Variants in ARAP3 observed in about 807,000 individuals in gnomAD.
ARAP3 encodes the protein arf-GAP with Rho-GAP domain, ANK repeat and PH domain-containing protein 3.
ARAP3 carries 82 observed loss-of-function variants against 169.2 expected under a neutral mutation model. The ratio of observed to expected loss-of-function variants is 0.48; its 90% CI spans 0.41 to 0.58. ARAP3 has a LOEUF of 0.58. ARAP3 is among the 20% of genes least tolerant of loss of function. ARAP3 has a pLI of 0.00. For missense variants in ARAP3, 1,764 were observed against 2,018.0 expected (o/e 0.87, Z 2.41); for synonymous variants, 791 against 800.3 (o/e 0.99, Z 0.20).
Position 141,672,538 on chromosome 5 carries a change from G to A in ARAP3, c.1385+14C>T. 1 of 1,613,620 alleles carries A rather than the reference G, an allele frequency of 6.2e-7. No individual in the cohort carries two copies. Among genetic ancestry groups the A allele is most frequent in the Non-Finnish European group, 8.5e-7 (1 of 1,179,736 alleles). ...AAGTCCCCCAGCCTTGCCTCCCACT[G>A]GCCCAGGCCCCACCTGAAGCAGCGA... On this transcript the variant is annotated intron_variant, in intron 9 of 32. Coordinates refer to ENST00000239440, the MANE Select transcript of ARAP3 (RefSeq NM_022481.6). The surrounding 1 kb of genome is among the most constrained non-coding windows in gnomAD (Gnocchi z 4.9).
Position 141,673,665 on chromosome 5 carries a change from A to C in ARAP3, c.842T>G (p.Phe281Cys). 1 of 1,614,194 alleles carries C rather than the reference A, an allele frequency of 6.2e-7. No individual in the cohort carries two copies. Among genetic ancestry groups the C allele is most frequent in the Non-Finnish European group, 8.5e-7 (1 of 1,180,034 alleles). Residue 281 changes from phenylalanine to cysteine, a missense_variant, in exon 5 of 33, where the codon TTC becomes TGC. By Grantham distance (205) the Phe-to-Cys change is radical. Coordinates refer to ENST00000239440, the MANE Select transcript of ARAP3 (RefSeq NM_022481.6). ...CAGGGGCGTGAGGCGGTCTGCCGTG[A>C]AGGAGAAGCTGGCATAGGGTGAAAT... ...DLISPYASFS[F>C]TADRLTPLLS...
In ARAP3 at chr5:141,665,466, C is replaced by G. The variant is rs1271359268; in HGVS notation, c.2573-92G>C. On this transcript the variant is annotated intron_variant, in intron 17 of 32. Coordinates refer to ENST00000239440, the MANE Select transcript of ARAP3 (RefSeq NM_022481.6). ...ATGCTTAACGTGCATAGATGCCAGGCTAGGAGCATTACAAAAAACGTTCAG... is the reference window on the plus strand; with the variant it reads ...ATGCTTAACGTGCATAGATGCCAGGGTAGGAGCATTACAAAAAACGTTCAG... 11 of 1,358,814 alleles carry G rather than the reference C, an allele frequency of 8.1e-6. No homozygotes were observed. In the South Asian group the frequency reaches 1.2e-4, roughly 15 times the overall value. The allele number at this position is 1,358,814 out of a possible 1,614,324, so 84.2% of individuals were successfully genotyped here.
chr5:141,655,310 C>T lies in ARAP3; in HGVS notation c.4149+52G>A, dbSNP rs1489104928. The T allele has an allele frequency of 3.2e-6, 5 of 1,555,068 alleles. No homozygotes were observed. The Admixed American group carries it at 5.8e-5, about 18-fold the overall frequency. On this transcript the variant is annotated intron_variant, in intron 32 of 32. Coordinates refer to ENST00000239440, the MANE Select transcript of ARAP3 (RefSeq NM_022481.6). ...CAGCACACCCGGGGCTCAGGCAGCACAGAGGAATACAGGGTTGACAGGCAC... is the reference window on the plus strand; with the variant it reads ...CAGCACACCCGGGGCTCAGGCAGCATAGAGGAATACAGGGTTGACAGGCAC...
Position 141,656,194 on chromosome 5 carries a change from G to T in ARAP3, c.3872C>A (p.Pro1291Gln). 6.2e-7 allele frequency: 1 copy of T among 1,614,140 alleles called. No homozygotes were observed. The highest frequency in any genetic ancestry group is 1.1e-5 in the South Asian group (1 of 91,084). ...GTGCGGGCTGGGGAAGAAAACTCACGGTGTTGGGGGCTTTAACTTCTTGCG... is the reference window on the plus strand; with the variant it reads ...GTGCGGGCTGGGGAAGAAAACTCACTGTGTTGGGGGCTTTAACTTCTTGCG... ...GIRKKLKPPT[P>Q]WGFTLILEKM... Residue 1291 changes from proline (P) to glutamine (Q), a missense_variant and splice_region_variant, in exon 28 of 33, where the codon CCG becomes CAG. Physicochemically the swap from Pro to Gln is moderately conservative, Grantham distance 76. Coordinates refer to ENST00000239440, the MANE Select transcript of ARAP3 (RefSeq NM_022481.6).
At chr5:141,664,192 C>G (rs1267072322) in intron 19 of ARAP3, among the ~76,000 whole-genome samples, 2 of 152,070 alleles carry the variant, frequency 1.3e-5, no homozygotes, top group Non-Finnish European at 2.9e-5. Flanking sequence ...TGAGACCAGC[C>G]TGGCCAACAT....
In ARAP3 at chr5:141,655,158, A is replaced by T. The variant is rs13356530; in HGVS notation, c.4149+204T>A. Among the ~76,000 whole-genome samples the T allele has an allele frequency of 2.1e-3, 278 of 135,080 alleles. 2 individuals are homozygous for T. Among genetic ancestry groups the T allele is most frequent in the African/African-American group, 5.7e-3 (204 of 35,504 alleles). 88.6% of individuals were successfully genotyped at this position (135,080 alleles called of 152,430 possible). A position where few individuals can be genotyped will look rare whatever the true frequency, so the allele number is the denominator to read the frequency against. On this transcript the variant is annotated intron_variant, in intron 32 of 32. Coordinates refer to ENST00000239440, the MANE Select transcript of ARAP3 (RefSeq NM_022481.6). ...TCCTCGCTCTCCCTCTCTCTCTCTC[A>T]CACACACACACACCCTGATGGCCTA... is the stretch of plus-strand genomic sequence containing the variant.
Position 141,671,813 on chromosome 5 carries a change from T to C in ARAP3, c.1672-61A>G. 1 of 1,609,078 alleles carries C rather than the reference T, an allele frequency of 6.2e-7. No individual in the cohort carries two copies. Among genetic ancestry groups the C allele is most frequent in the Non-Finnish European group, 8.5e-7 (1 of 1,176,656 alleles). Reference sequence around the variant, plus strand: ...AACTCAAGAGTCCTCAGATGTTCCATTCCTGTCCCCAGGCTGGCCCAAGGC... The same window carrying C: ...AACTCAAGAGTCCTCAGATGTTCCACTCCTGTCCCCAGGCTGGCCCAAGGC... On this transcript the variant is annotated intron_variant, in intron 11 of 32. Transcript: ENST00000239440. The surrounding 1 kb of genome is among the most constrained non-coding windows in gnomAD (Gnocchi z 4.9).
At chr5:141,678,098 C>A (rs2099912444) in intron 4 of ARAP3, among the ~76,000 whole-genome samples, 1 of 152,138 alleles carries the variant, frequency 6.6e-6, no homozygotes, top group Non-Finnish European at 1.5e-5. Flanking sequence ...AGGCGCCCAC[C>A]ACCACGCCCG....
intron 4 of ARAP3, among the ~76,000 whole-genome samples, chr5:141,676,846 G>A (rs1473204534): frequency 6.6e-6 from 1 of 152,112 alleles, no homozygotes; most frequent in Non-Finnish European, 1.5e-5. Context: ...TAGGTCTCCA[G>A]CTCCGACCTC....
At chr5:141,680,537 G>A in intron 1 of ARAP3, 34 bp from the exon 2 acceptor site, 1 of 1,532,524 alleles carries the variant, frequency 6.5e-7, no homozygotes, top group Non-Finnish European at 8.7e-7. Flanking sequence ...GGAGGGCTCA[G>A]GCTGAGAATC....
rs1380696246 is a variant in ARAP3, at chr5:141,656,575, G to A, written c.3718C>T (p.Leu1240=). The A allele has an allele frequency of 6.2e-7, 1 of 1,612,894 alleles. No individual in the cohort carries two copies. The highest frequency in any genetic ancestry group is 1.1e-5 in the South Asian group (1 of 90,830). ...AACCTCTCCTGGAAGCGGCTTCCCAGCAAGCGAGGTGGCTCCTCACGACAC... is the reference window on the plus strand; with the variant it reads ...AACCTCTCCTGGAAGCGGCTTCCCAACAAGCGAGGTGGCTCCTCACGACAC... The part of the protein sequence containing the change: ...LRCREEPPRL[L]GSRFQERFFL... Residue 1240 remains leucine (L), a synonymous_variant, in exon 27 of 33, where the codon CTG becomes TTG. Coordinates refer to ENST00000239440, the MANE Select transcript of ARAP3 (RefSeq NM_022481.6).
At chr5:141,681,150 G>C (rs1175286036) in intron 1 of ARAP3, among the ~76,000 whole-genome samples, 1 of 152,154 alleles carries the variant, frequency 6.6e-6, no homozygotes, top group Non-Finnish European at 1.5e-5. Context: ...AGGCTGCCGG[G>C]AGAGCCCTAA....
In ARAP3 at chr5:141,671,624, C is replaced by T; in HGVS notation, c.1800G>A (p.Leu600=). 1 of 1,614,086 alleles carries T rather than the reference C, an allele frequency of 6.2e-7. No homozygotes were observed. Among genetic ancestry groups the T allele is most frequent in the Non-Finnish European group, 8.5e-7 (1 of 1,179,986 alleles). The part of the protein sequence containing the change: ...RGEFISRKYR[L]GLFRKPHPQY... ...GAGGGTGGGGCTTCCGGAAGAGACC[C>T]AGACGGTACTTTCGGGAGATGAACT... is the stretch of plus-strand genomic sequence containing the variant. The change falls in exon 12 of 33, where the codon CTG becomes CTA. Residue 600 remains leucine (L), a synonymous_variant. Coordinates refer to ENST00000239440, the MANE Select transcript of ARAP3 (RefSeq NM_022481.6). This position sits in a 1 kb window ranked among gnomAD's most constrained non-coding sequence, Gnocchi z 4.9.
At position 141,672,641 on chromosome 5, in the gene ARAP3, G is replaced by C; in HGVS notation, c.1296C>G (p.Ile432Met). 6.2e-7 allele frequency: 1 copy of C among 1,613,808 alleles called. No homozygotes were observed. The highest frequency in any genetic ancestry group is 8.5e-7 in the Non-Finnish European group (1 of 1,179,834). ...YKSEQAFSLG[I>M]GICFIELQGC... ...CCTGCAGTTCGATGAAGCAGATCCC[G>C]ATGCCCAGAGAGAAGGCCTGGTGGG... Residue 432 changes from isoleucine to methionine, a missense_variant, in exon 9 of 33, where the codon ATC becomes ATG. This residue lies in a region of ARAP3 where 630 missense variants were observed against 678.7 expected (regional missense o/e 0.93). Coordinates refer to ENST00000239440, the MANE Select transcript of ARAP3 (RefSeq NM_022481.6). The surrounding 1 kb of genome is among the most constrained non-coding windows in gnomAD (Gnocchi z 4.9).
At chr5:141,658,795 A>C in intron 23 of ARAP3, 142 bp from the exon 24 acceptor site, 1 of 708,006 alleles carries the variant, frequency 1.4e-6, no homozygotes, top group Non-Finnish European at 2.3e-6. Flanking sequence ...GGCTCTTAAA[A>C]GGGAGACCTC....
chr5:141,666,689 G>C (rs553622706), intron 16 of ARAP3, 46 bp from the exon 17 acceptor site: 2 of 1,063,048 alleles, frequency 1.9e-6, no homozygotes, highest in Admixed American at 7.5e-5. Context: ...TGGGGGAAGA[G>C]ACAAGGAATA....
At chr5:141,682,006 C>A (rs1417024230) in intron 1 of ARAP3, among the ~76,000 whole-genome samples, 167 bp downstream of exon 1, 1 of 100,704 alleles carries the variant, frequency 9.9e-6, no homozygotes, top group Non-Finnish European at 2.2e-5. Flanking sequence ...AGGGAGGGGG[C>A]GAGGAGGGAT....
intron 4 of ARAP3, among the ~76,000 whole-genome samples, chr5:141,674,948 C>T (rs2099911955): frequency 6.6e-6 from 1 of 152,220 alleles, no homozygotes; most frequent in African/African-American, 2.4e-5. Flanking sequence ...CCATTTTACT[C>T]CCTTGCAGGA....
Position 141,680,071 on chromosome 5 carries a change from G to C in ARAP3, c.416C>G (p.Pro139Arg), listed in dbSNP as rs1439988362. The change falls in exon 2 of 33, where the codon CCC becomes CGC. Residue 139 changes from proline (P) to arginine (R), a missense_variant. This residue lies in a region of ARAP3 where 630 missense variants were observed against 678.7 expected (regional missense o/e 0.93). Coordinates refer to ENST00000239440, the MANE Select transcript of ARAP3 (RefSeq NM_022481.6). ...TGAAGACTGCTCAGAGGAGGAAGTGGGGAGAGGAGGAGGCCTTGGGCTGGG... is the reference window on the plus strand; with the variant it reads ...TGAAGACTGCTCAGAGGAGGAAGTGCGGAGAGGAGGAGGCCTTGGGCTGGG... ...PEPSPRPPPLPTSSSEQSSAL... is the reference protein window; with the variant it reads ...PEPSPRPPPLRTSSSEQSSAL... 1 of 1,614,104 alleles carries C rather than the reference G, an allele frequency of 6.2e-7. No homozygotes were observed. The highest frequency in any genetic ancestry group is 8.5e-7 in the Non-Finnish European group (1 of 1,180,030).
Sources: gnomAD v4.1 joint callset for allele counts (sites outside exome capture counted in the v4.1 genomes callset) on GRCh38, gnomAD v4.1.1 for gene constraint, gnomAD v4.1.1 regional missense constraint, Gnocchi (gnomAD v3.1) non-coding constraint, MANE v1.5 for transcripts, NCBI Gene and HGNC (gene_info 2026-07-23, HGNC 2026-07-21) for gene names.